PPP1R16A: variants seen among roughly 807,000 people sequenced by gnomAD.
PPP1R16A encodes the protein myosin phosphatase-targeting subunit 3.
Under a neutral mutation model 46.6 loss-of-function variants are expected in PPP1R16A, and 39 were observed. The ratio of observed to expected loss-of-function variants is 0.84; its 90% CI spans 0.65 to 1.09. The LOEUF is 1.09. Among genes scored for constraint, PPP1R16A ranks in the 50% least tolerant of loss-of-function variants. PPP1R16A has a pLI of 0.00. For synonymous variants in PPP1R16A, 413 were observed against 321.5 expected (o/e 1.28, Z -3.04); for missense variants, 798 against 735.6 (o/e 1.08, Z -0.98).
In PPP1R16A at chr8:144,500,722, G is replaced by A. The variant is rs757432715; in HGVS notation, c.868G>A (p.Asp290Asn). The A allele has an allele frequency of 1.9e-6, 3 of 1,611,656 alleles. No individual in the cohort carries two copies. Among genetic ancestry groups the A allele is most frequent in the Non-Finnish European group, 1.7e-6 (2 of 1,179,672 alleles). ...GGAGCTGCTCGTGGCGCACGGGGCC[G>A]ACCTGAACGCAAAGTCCCTGATGGA... is the stretch of plus-strand genomic sequence containing the variant. ...LVELLVAHGADLNAKSLMDET... is the reference protein window; with the variant it reads ...LVELLVAHGANLNAKSLMDET... Residue 290 changes from aspartate to asparagine, a missense_variant, in exon 9 of 12, where the codon GAC becomes AAC. Transcript: ENST00000435887.
chr8:144,488,297 C>T (rs1259216088), intron 1 of PPP1R16A, among the ~76,000 whole-genome samples: 2 of 149,978 alleles, frequency 1.3e-5, no homozygotes, highest in African/African-American at 4.9e-5. Flanking sequence ...TTTGCTTTGT[C>T]TGGGAGGGCA....
Position 144,497,422 on chromosome 8 carries a change from G to A in PPP1R16A, c.228G>A (p.Leu76=), listed in dbSNP as rs973806601. 6.2e-7 allele frequency: 1 copy of A among 1,612,890 alleles called. No individual in the cohort carries two copies. The highest frequency in any genetic ancestry group is 8.5e-7 in the Non-Finnish European group (1 of 1,180,022). ...QVLFPPSVVL[L]EAAARNDLEE... ...TCTTCCCTCCCAGTGTTGTCCTTCT[G>A]GAGGCCGCTGCCCGAAATGACCTGG... The change falls in exon 3 of 12, where the codon CTG becomes CTA. Residue 76 remains leucine, a synonymous_variant. Coordinates refer to ENST00000435887, the MANE Select transcript of PPP1R16A (RefSeq NM_001329443.2).
At chr8:144,484,914 A>G (rs1241811105) in intron 1 of PPP1R16A, among the ~76,000 whole-genome samples, 2 of 152,210 alleles carry the variant, frequency 1.3e-5, no homozygotes, top group East Asian at 1.9e-4. Flanking sequence ...AATAGTTTCA[A>G]TTTCATATGG....
chr8:144,501,604 C>A lies in PPP1R16A; in HGVS notation c.1288C>A (p.Arg430=), dbSNP rs548206071. 1.9e-6 allele frequency: 3 copies of A among 1,608,542 alleles called. No homozygotes were observed. Among genetic ancestry groups the A allele is most frequent in the African/African-American group, 2.7e-5 (2 of 74,828 alleles). The change falls in exon 12 of 12, where the codon CGG becomes AGG. Residue 430 remains arginine, a synonymous_variant. Coordinates refer to ENST00000435887, the MANE Select transcript of PPP1R16A (RefSeq NM_001329443.2). ...VRHLYSKRLD[R]SVSYQLSPLD... is the part of the protein sequence containing the mutation. ...GCATCTATACTCCAAGCGACTAGAC[C>A]GGAGTGTCTCCTACCAGCTGAGCCC...
chr8:144,497,187 C>G lies in PPP1R16A; in HGVS notation c.-8C>G. The G allele has an allele frequency of 6.4e-7, 1 of 1,552,564 alleles. No individual in the cohort carries two copies. The highest frequency in any genetic ancestry group is 8.7e-7 in the Non-Finnish European group (1 of 1,151,188). ...CCCGAGCAGCCCTGTGGGCAAGCAG[C>G]CGCCGCCATGGCCGAGCACCTGGAG... is the stretch of plus-strand genomic sequence containing the variant. On this transcript the variant is annotated 5_prime_UTR_variant, in exon 3 of 12. Coordinates refer to ENST00000435887, the MANE Select transcript of PPP1R16A (RefSeq NM_001329443.2).
In PPP1R16A at chr8:144,500,863, T is replaced by A. The variant is rs1033743562; in HGVS notation, c.929T>A (p.Val310Glu). Residue 310 changes from valine (V) to glutamate (E), a missense_variant, in exon 10 of 12, where the codon GTG becomes GAG. Physicochemically the swap from Val to Glu is moderately radical, Grantham distance 121. Coordinates refer to ENST00000435887, the MANE Select transcript of PPP1R16A (RefSeq NM_001329443.2). ...TPLDVCGDEE[V>E]RAKLLELKHK... ...TCAGATGTGTGCGGGGACGAGGAGGTGCGGGCCAAGCTGCTGGAGCTGAAG... is the reference window on the plus strand; with the variant it reads ...TCAGATGTGTGCGGGGACGAGGAGGAGCGGGCCAAGCTGCTGGAGCTGAAG... 10 of 1,569,262 alleles carry A rather than the reference T, an allele frequency of 6.4e-6. No homozygotes were observed. The highest frequency in any genetic ancestry group is 8.6e-6 in the Non-Finnish European group (10 of 1,159,362).
At chr8:144,478,973 T>G (rs1200681829) in intron 1 of PPP1R16A, 1 of 153,054 alleles carries the variant, frequency 6.5e-6, no homozygotes, top group Non-Finnish European at 1.5e-5. Flanking sequence ...GCCTTCCTTT[T>G]CTTCCTGGAT....
intron 5 of PPP1R16A, 146 bp downstream of exon 5, chr8:144,499,207 GA>G (rs1357641256): frequency 9.3e-7 from 1 of 1,080,590 alleles, no homozygotes; most frequent in Non-Finnish European, 1.3e-6. Context: ...CTGGCATGGA[GA>G]GCAGGGCCTG....
Position 144,496,976 on chromosome 8 carries a change from C to G in PPP1R16A, c.-219C>G. 1 of 629,594 alleles carries G rather than the reference C, an allele frequency of 1.6e-6. No individual in the cohort carries two copies. The highest frequency in any genetic ancestry group is 2.8e-5 in the East Asian group (1 of 36,162). 39.0% of individuals were successfully genotyped at this position (629,594 alleles called of 1,614,324 possible). On this transcript the variant is annotated 5_prime_UTR_variant, in exon 3 of 12. Transcript: ENST00000435887. ...CTGGGGAGCAGGTTTGGGGTGCCCT[C>G]CCACACTGCCCTCCCTGCCCCGGCC...
chr8:144,497,330 G>C lies in PPP1R16A; in HGVS notation c.136G>C (p.Gly46Arg). The change falls in exon 3 of 12, where the codon GGC (glycine) becomes CGC (arginine). Residue 46 changes from glycine to arginine, a missense_variant. By Grantham distance (125) the Gly-to-Arg change is moderately radical (BLOSUM62 -2). Transcript: ENST00000435887. ...GGCCCAGGCTGAGAAGGAGGCCCAG[G>C]GCAAGAAGGGTCCTGGGGAGCGTCC... is the stretch of plus-strand genomic sequence containing the variant. ...MWAQAEKEAQ[G>R]KKGPGERPRK... is the part of the protein sequence containing the mutation. 6.2e-7 allele frequency: 1 copy of C among 1,612,772 alleles called. No individual in the cohort carries two copies. Among genetic ancestry groups the C allele is most frequent in the South Asian group, 1.1e-5 (1 of 91,078 alleles).
Position 144,478,115 on chromosome 8 carries a change from C to T in PPP1R16A, c.-926C>T, listed in dbSNP as rs946022752. ...GCGGACCCACTTGTGCGGCGGTCGG[C>T]GCGGGGCGCGAGGTGAGGCGCGGAC... On this transcript the variant is annotated 5_prime_UTR_variant, in exon 1 of 12. Coordinates refer to ENST00000435887, the MANE Select transcript of PPP1R16A (RefSeq NM_001329443.2). 2.0e-5 allele frequency: 8 copies of T among 395,374 alleles called. No homozygotes were observed. Among genetic ancestry groups the T allele is most frequent in the Non-Finnish European group, 3.1e-5 (7 of 223,988 alleles). The allele number at this position is 395,374 out of a possible 1,614,324, so 24.5% of individuals were successfully genotyped here.
In PPP1R16A at chr8:144,501,574, G is replaced by C. The variant is rs760707897; in HGVS notation, c.1258G>C (p.Val420Leu). 6.9e-6 allele frequency: 11 copies of C among 1,597,440 alleles called. No homozygotes were observed. The East Asian group carries it at 2.5e-4, about 37-fold the overall frequency. ...CAATGGCCGAGTAGGGGGCTCCCCA[G>C]TGCGGCATCTATACTCCAAGCGACT... ...PHNGRVGGSP[V>L]RHLYSKRLDR... The change falls in exon 12 of 12, where the codon GTG (valine) becomes CTG (leucine). Residue 420 changes from valine to leucine, a missense_variant. Coordinates refer to ENST00000435887, the MANE Select transcript of PPP1R16A (RefSeq NM_001329443.2).
intron 2 of PPP1R16A, among the ~76,000 whole-genome samples, chr8:144,492,159 G>T (rs988978739): frequency 2.0e-5 from 3 of 152,116 alleles, no homozygotes; most frequent in Non-Finnish European, 2.9e-5. Flanking sequence ...CGTGCTGACC[G>T]CCCAGATGCC....
At position 144,501,761 on chromosome 8, in the gene PPP1R16A, C is replaced by G. The variant is rs901904901; in HGVS notation, c.1445C>G (p.Ala482Gly). The change falls in exon 12 of 12, where the codon GCT (alanine) becomes GGT (glycine). Residue 482 changes from alanine to glycine, a missense_variant. Ala to Gly is a moderately conservative substitution (Grantham distance 60). Transcript: ENST00000435887. ...GAGGGGCCCGAGAGCCCTGAGACAG[C>G]TGAGCCTGGCCTGCCTGGTGACACG... The part of the protein sequence containing the change: ...PPEGPESPET[A>G]EPGLPGDTVT... 5.7e-6 allele frequency: 9 copies of G among 1,569,758 alleles called. No individual in the cohort carries two copies. The highest frequency in any genetic ancestry group is 7.8e-6 in the Non-Finnish European group (9 of 1,158,426).
intron 1 of PPP1R16A, among the ~76,000 whole-genome samples, chr8:144,485,317 G>A (rs1266241014): frequency 1.3e-5 from 2 of 149,914 alleles, no homozygotes; most frequent in Non-Finnish European, 3.0e-5. Flanking sequence ...GAGGTCAGGA[G>A]TTCAAGAATA....
rs1180018901 is a variant in PPP1R16A at position 144,500,321 on chromosome 8, T to C, written c.635T>C (p.Leu212Pro). 3 of 1,540,036 alleles carry C rather than the reference T, an allele frequency of 1.9e-6. No homozygotes were observed. Among genetic ancestry groups the C allele is most frequent in the African/African-American group, 2.7e-5 (2 of 73,028 alleles). Residue 212 changes from leucine to proline, a missense_variant, in exon 7 of 12, where the codon CTG becomes CCG. Leu to Pro is a moderately conservative substitution (Grantham distance 98). Transcript: ENST00000435887. Reference sequence around the variant, plus strand: ...CGGGCCGTGCCAGAACTGCGCATGCTGGACGACATCCGGAGCCGGCTGCAG... The same window carrying C: ...CGGGCCGTGCCAGAACTGCGCATGCCGGACGACATCCGGAGCCGGCTGCAG... ...AARAVPELRMLDDIRSRLQAG... is the reference protein window; with the variant it reads ...AARAVPELRMPDDIRSRLQAG...
rs1242202948 is a variant in PPP1R16A, at chr8:144,480,975, G to A, written c.-914+2848G>A. Among the ~76,000 whole-genome samples, 8 of 150,520 alleles carry A rather than the reference G, an allele frequency of 5.3e-5. No individual in the cohort carries two copies. The South Asian group carries it at 8.4e-4, about 16-fold the overall frequency. On this transcript the variant is annotated intron_variant, in intron 1 of 11. Coordinates refer to ENST00000435887, the MANE Select transcript of PPP1R16A (RefSeq NM_001329443.2). ...ACGATCTTGGCTCACTGCAAGCTCC[G>A]CCTCCTGGGTTCACACCATTCTCCT...
At chr8:144,499,482 A>G (rs546572343) in intron 5 of PPP1R16A, 25 of 199,322 alleles carry the variant, frequency 1.3e-4, no homozygotes, top group Non-Finnish European at 2.2e-4. Flanking sequence ...CTGAGCAGGG[A>G]GGGTCCATGA....
chr8:144,483,959 C>G (rs1171413258), intron 1 of PPP1R16A, among the ~76,000 whole-genome samples: 1 of 152,246 alleles, frequency 6.6e-6, no homozygotes, highest in Non-Finnish European at 1.5e-5. Flanking sequence ...TAGGAATGTG[C>G]TGGCTGACTG....
Sources: gnomAD v4.1 joint callset for allele counts (sites outside exome capture counted in the v4.1 genomes callset) on GRCh38, gnomAD v4.1.1 for gene constraint, MANE v1.5 for transcripts, NCBI Gene and HGNC (gene_info 2026-07-23, HGNC 2026-07-21) for gene names.